SPOCK3: variants seen among roughly 807,000 people sequenced by gnomAD.
SPOCK3 encodes SPARC (osteonectin), cwcv and kazal like domains proteoglycan 3, also known as testican-3.
SPOCK3 carries 30 observed loss-of-function variants against 56.6 expected under a neutral mutation model. The observed-to-expected ratio is 0.53, with a 90% CI of 0.40 to 0.72. The LOEUF is 0.72. Ranked by LOEUF, SPOCK3 falls within the 30% of genes least tolerant of loss-of-function variation. SPOCK3 has a pLI of 0.00. For missense variants in SPOCK3, 527 were observed against 530.0 expected (o/e 0.99, Z 0.06); for synonymous variants, 196 against 183.3 (o/e 1.07, Z -0.56).
intron 2 of SPOCK3, among the ~76,000 whole-genome samples, chr4:167,117,640 T>A (rs1235895967): frequency 6.6e-6 from 1 of 151,846 alleles, no homozygotes; most frequent in East Asian, 1.9e-4. Flanking sequence ...GCAACTGAGG[T>A]CTGGGGGCAG....
chr4:166,805,090 G>A (rs577497171), intron 6 of SPOCK3, among the ~76,000 whole-genome samples: 50 of 151,962 alleles, frequency 3.3e-4, no homozygotes, highest in African/African-American at 1.2e-3. Flanking sequence ...ATATTCTATG[G>A]ATATGTGTGT....
intron 6 of SPOCK3, among the ~76,000 whole-genome samples, chr4:166,852,260 C>A (rs1033365987): frequency 1.3e-5 from 2 of 151,874 alleles, no homozygotes; most frequent in Non-Finnish European, 2.9e-5. Flanking sequence ...AACTAACCTG[C>A]ACATTGTGCA....
chr4:166,994,090 A>G (rs1748098020), intron 4 of SPOCK3, among the ~76,000 whole-genome samples: 1 of 152,132 alleles, frequency 6.6e-6, no homozygotes, highest in African/African-American at 2.4e-5. Flanking sequence ...CTTCTCAGAA[A>G]CGGAGTCTGC....
intron 4 of SPOCK3, among the ~76,000 whole-genome samples, chr4:166,964,631 T>C (rs1579824915): frequency 1.3e-5 from 2 of 151,608 alleles, no homozygotes; most frequent in Non-Finnish European, 3.0e-5. Flanking sequence ...TAGTTGATAT[T>C]ATATATAATA....
At chr4:167,002,536 T>A (rs998680604) in intron 3 of SPOCK3, among the ~76,000 whole-genome samples, 1 of 152,188 alleles carries the variant, frequency 6.6e-6, no homozygotes, top group African/African-American at 2.4e-5. Context: ...TTTAAATAAG[T>A]AATGATTAGA....
chr4:166,977,667 T>A (rs1055165648), intron 4 of SPOCK3, among the ~76,000 whole-genome samples: 5 of 152,132 alleles, frequency 3.3e-5, no homozygotes, highest in African/African-American at 1.2e-4. Context: ...GATTTGAGTA[T>A]CAGATAAGTC....
chr4:166,745,099 C>A (rs1020532678), intron 8 of SPOCK3, among the ~76,000 whole-genome samples: 1 of 152,114 alleles, frequency 6.6e-6, no homozygotes, highest in African/African-American at 2.4e-5. Flanking sequence ...CCCAACCTAG[C>A]AAGGTAGGCC....
intron 6 of SPOCK3, among the ~76,000 whole-genome samples, chr4:166,793,264 A>G (rs1560863380): frequency 6.6e-6 from 1 of 152,080 alleles, no homozygotes; most frequent in Non-Finnish European, 1.5e-5. Context: ...TACCATATAC[A>G]TTATATTATA....
At chr4:166,861,953 A>G (rs541573269) in intron 6 of SPOCK3, among the ~76,000 whole-genome samples, 1 of 152,200 alleles carries the variant, frequency 6.6e-6, no homozygotes, top group East Asian at 1.9e-4. Context: ...CAATCCCCAG[A>G]TAGTATTTTA....
intron 4 of SPOCK3, among the ~76,000 whole-genome samples, chr4:166,938,955 C>CCACACA (rs59234659): frequency 1.9e-3 from 284 of 148,422 alleles, no homozygotes; most frequent in African/African-American, 5.8e-3. Context: ...CATACACACA[C>CCACACA]CACACACACA....
chr4:166,825,052 T>G (rs1342419951), intron 6 of SPOCK3, among the ~76,000 whole-genome samples: 1 of 152,086 alleles, frequency 6.6e-6, no homozygotes, highest in Non-Finnish European at 1.5e-5. Context: ...ATTCAGACAT[T>G]ATGTTATTCA....
At chr4:166,859,547 G>A (rs1424508247) in intron 6 of SPOCK3, among the ~76,000 whole-genome samples, 1 of 152,044 alleles carries the variant, frequency 6.6e-6, no homozygotes, top group African/African-American at 2.4e-5. Flanking sequence ...GATAAACAGT[G>A]ACTATTTTTA....
chr4:166,942,344 G>A (rs1192452069), intron 4 of SPOCK3, among the ~76,000 whole-genome samples: 2 of 151,832 alleles, frequency 1.3e-5, no homozygotes, highest in Admixed American at 6.6e-5. Flanking sequence ...CCAAGTAGCT[G>A]GGACTACAGG....
chr4:166,945,104 T>A (rs1366272724), intron 4 of SPOCK3, among the ~76,000 whole-genome samples: 1 of 152,168 alleles, frequency 6.6e-6, no homozygotes, highest in African/African-American at 2.4e-5. Flanking sequence ...TGTTATTGGC[T>A]CATGTTGTTA....
At chr4:166,995,552 C>A (rs1181047918) in intron 4 of SPOCK3, among the ~76,000 whole-genome samples, 1 of 151,812 alleles carries the variant, frequency 6.6e-6, no homozygotes, top group Non-Finnish European at 1.5e-5. Context: ...CTGAAATCTA[C>A]ACTTTGTATC....
chr4:167,125,583 G>A (rs1266714542), intron 2 of SPOCK3, among the ~76,000 whole-genome samples: 5 of 144,346 alleles, frequency 3.5e-5, no homozygotes, highest in South Asian at 4.4e-4. Context: ...GCGTGTTGGC[G>A]GGCGCCTGTA....
At position 167,188,337 on chromosome 4, in the gene SPOCK3, A is replaced by T. The variant is rs540774692; in HGVS notation, c.189+45648T>A. Among the ~76,000 whole-genome samples, 21 of 146,264 alleles carry T rather than the reference A, an allele frequency of 1.4e-4. 5 individuals are homozygous for T. The East Asian group carries it at 4.1e-3, about 29-fold the overall frequency. On this transcript the variant is annotated intron_variant, in intron 2 of 10. Transcript: ENST00000357545. ...TCACAAAATCAGGCATTCTATAAAA[A>T]ATTACAGAGCATACAAAAGAGGAAA...
At chr4:166,877,720 T>C (rs1413288073) in intron 6 of SPOCK3, among the ~76,000 whole-genome samples, 1 of 152,130 alleles carries the variant, frequency 6.6e-6, no homozygotes, top group Non-Finnish European at 1.5e-5. Flanking sequence ...TTGGGAAAAA[T>C]ATATTAAAAT....
At chr4:167,103,182 G>A (rs1580298605) in intron 2 of SPOCK3, among the ~76,000 whole-genome samples, 3 of 151,980 alleles carry the variant, frequency 2.0e-5, no homozygotes, top group Admixed American at 6.6e-5. Context: ...CTTGGTCACT[G>A]AAGAACCAAC....
Sources: allele counts gnomAD v4.1 joint callset (sites outside exome capture counted in the v4.1 genomes callset), GRCh38; gene constraint gnomAD v4.1.1; transcripts MANE v1.5; gene names NCBI Gene and HGNC (gene_info 2026-07-23, HGNC 2026-07-21).